The following GUCY2C variants were observed in gnomAD, a reference collection of about 807,000 sequenced individuals.
The protein encoded by GUCY2C is guanylyl cyclase C.
In GUCY2C, 118 loss-of-function variants were observed where a neutral mutation model predicts 131.1. The observed-to-expected ratio is 0.90, with a 90% CI of 0.78 to 1.05. The LOEUF is 1.05. GUCY2C is among the 50% of genes least tolerant of loss of function. The pLI is 0.00. For missense variants in GUCY2C, 1,161 were observed against 1,304.4 expected (o/e 0.89, Z 1.69); for synonymous variants, 452 against 457.8 (o/e 0.99, Z 0.16).
intron 19 of GUCY2C, among the ~76,000 whole-genome samples, chr12:14,635,760 A>T (rs1405459710): frequency 6.6e-6 from 1 of 152,190 alleles, no homozygotes; most frequent in Non-Finnish European, 1.5e-5. Flanking sequence ...AAAATCAGAA[A>T]TTAGAAAAAG....
chr12:14,628,662 G>T lies in GUCY2C; in HGVS notation c.2233C>A (p.Leu745Ile). 6.4e-7 allele frequency: 1 copy of T among 1,552,770 alleles called. No homozygotes were observed. Among genetic ancestry groups the T allele is most frequent in the Non-Finnish European group, 8.9e-7 (1 of 1,124,312 alleles). The stretch of plus-strand genomic sequence containing the variant: ...CAGCAATACCCAAATATCTTGGCAA[G>T]TGTAGTCTCAATTTTTTTGAAATCT... Reference protein sequence around the residue: ...RPDFKKIETTLAKIFGLFHDQ... With the variant: ...RPDFKKIETTIAKIFGLFHDQ... The change falls in exon 20 of 27, where the codon CTT becomes ATT. Residue 745 changes from leucine (L) to isoleucine (I), a missense_variant. Physicochemically the swap from Leu to Ile is conservative, Grantham distance 5. Coordinates refer to ENST00000261170, the MANE Select transcript of GUCY2C (RefSeq NM_004963.4).
In GUCY2C at chr12:14,681,414, C is replaced by T. The variant is rs1948345620; in HGVS notation, c.675G>A (p.Val225=). 5.6e-6 allele frequency: 9 copies of T among 1,611,876 alleles called. No homozygotes were observed. The highest frequency in any genetic ancestry group is 7.6e-6 in the Non-Finnish European group (9 of 1,178,192). The change falls in exon 5 of 27, where the codon GTG becomes GTA. Residue 225 remains valine (V), a synonymous_variant. Transcript: ENST00000261170. ...YFSHELGFKV[V]LRQDKEFQDI... ...CCTGAAACTCCTTATCTTGTCTTAA[C>T]ACCACCTTAAAGCCGAGTTCGTGGG...
chr12:14,657,059 G>T (rs1355790706), intron 11 of GUCY2C, among the ~76,000 whole-genome samples: 1 of 152,212 alleles, frequency 6.6e-6, no homozygotes, highest in Non-Finnish European at 1.5e-5. Flanking sequence ...AGGCGGTACC[G>T]CTCGCTCACC....
In GUCY2C at chr12:14,639,927, A is replaced by G. The variant is rs1480283151; in HGVS notation, c.2092T>C (p.Ser698Pro). 1.2e-6 allele frequency: 2 copies of G among 1,609,432 alleles called. No homozygotes were observed. The highest frequency in any genetic ancestry group is 1.7e-6 in the Non-Finnish European group (2 of 1,175,742). The change falls in exon 19 of 27, where the codon TCC becomes CCC. Residue 698 changes from serine to proline, a missense_variant. Physicochemically the swap from Ser to Pro is moderately conservative, Grantham distance 74. Transcript: ENST00000261170. ...GGGCGGAAGGGTTTCATTCCATTGG[A>G]ATTTTCCACTCTGAAAATCTTCTCT... ...RNEKIFRVENSNGMKPFRPDL... is the reference protein window; with the variant it reads ...RNEKIFRVENPNGMKPFRPDL...
chr12:14,632,558 C>T (rs999776578), intron 19 of GUCY2C, among the ~76,000 whole-genome samples: 4 of 152,124 alleles, frequency 2.6e-5, no homozygotes, highest in Admixed American at 2.0e-4. Flanking sequence ...AGTGGAAGTA[C>T]ATTTCTCTAT....
chr12:14,688,512 G>T (rs893216183), intron 1 of GUCY2C, among the ~76,000 whole-genome samples: 1 of 152,158 alleles, frequency 6.6e-6, no homozygotes, highest in Non-Finnish European at 1.5e-5. Context: ...ATGATAACCT[G>T]TTCTTTCATG....
rs534141608 is a variant in GUCY2C, at chr12:14,641,326, G to A, written c.1931-107C>T. 7.1e-6 allele frequency: 8 copies of A among 1,121,216 alleles called. No homozygotes were observed. In the African/African-American group the frequency reaches 1.2e-4, roughly 17 times the overall value. The allele number at this position is 1,121,216 out of a possible 1,614,324, so 69.5% of individuals were successfully genotyped here. A position where few individuals can be genotyped will look rare whatever the true frequency, so the allele number is the denominator to read the frequency against. On this transcript the variant is annotated intron_variant, in intron 17 of 26. Coordinates refer to ENST00000261170, the MANE Select transcript of GUCY2C (RefSeq NM_004963.4). ...CCCTACACCATCCACTCTAAATATG[G>A]GTGATAGCTTATAAGTGGCCTTGAA... is the stretch of plus-strand genomic sequence containing the variant.
chr12:14,645,510 C>A (rs1026699563), intron 15 of GUCY2C, among the ~76,000 whole-genome samples, 195 bp from the exon 16 acceptor site: 5 of 152,080 alleles, frequency 3.3e-5, no homozygotes, highest in Non-Finnish European at 5.9e-5. Context: ...GTTTTTGCCA[C>A]CTGGATATGA....
At chr12:14,627,740 A>T (rs543603243) in intron 20 of GUCY2C, among the ~76,000 whole-genome samples, 28 of 152,290 alleles carry the variant, frequency 1.8e-4, no homozygotes, top group African/African-American at 6.5e-4. Context: ...TCAGTCACAT[A>T]TAAAGTCTCA....
chr12:14,684,011 C>T (rs1256350895), intron 3 of GUCY2C, among the ~76,000 whole-genome samples: 2 of 152,140 alleles, frequency 1.3e-5, no homozygotes, highest in Admixed American at 6.6e-5. Flanking sequence ...TGTCCACTTC[C>T]TTCTTCCTAA....
At chr12:14,688,562 C>T (rs1948518637) in intron 1 of GUCY2C, among the ~76,000 whole-genome samples, 1 of 152,176 alleles carries the variant, frequency 6.6e-6, no homozygotes, top group African/African-American at 2.4e-5. Context: ...CAGGAGGCTG[C>T]AGTCTTCCTT....
intron 10 of GUCY2C, among the ~76,000 whole-genome samples, 180 bp downstream of exon 10, chr12:14,669,542 A>G (rs1948058126): frequency 6.6e-6 from 1 of 152,130 alleles, no homozygotes; most frequent in African/African-American, 2.4e-5. Context: ...TCAGAACTAT[A>G]ATATCATTCA....
At chr12:14,644,460 G>A (rs1269709160) in intron 16 of GUCY2C, among the ~76,000 whole-genome samples, 1 of 152,224 alleles carries the variant, frequency 6.6e-6, no homozygotes, top group Non-Finnish European at 1.5e-5. Flanking sequence ...CTGATTTTCA[G>A]CCTGGATCAC....
chr12:14,659,448 G>T (rs79257864), intron 11 of GUCY2C, among the ~76,000 whole-genome samples: 5,724 of 152,156 alleles, frequency 0.038, 355 homozygotes, highest in African/African-American at 0.13. Context: ...GACCTGTTTT[G>T]TCCCTGTTTG....
At chr12:14,625,525 G>A (rs1410992875) in intron 21 of GUCY2C, among the ~76,000 whole-genome samples, 1 of 151,784 alleles carries the variant, frequency 6.6e-6, no homozygotes, top group East Asian at 1.9e-4. Flanking sequence ...AGTAGAGGTG[G>A]GGTTTCACCA....
chr12:14,687,921 T>G, intron 2 of GUCY2C, 30 bp downstream of exon 2: 10 of 1,171,464 alleles, frequency 8.5e-6, no homozygotes, highest in South Asian at 1.2e-5. Context: ...CCAGAGGCCA[T>G]GAGCTGCATC....
At chr12:14,679,947 CT>C (rs1411657534) in intron 5 of GUCY2C, among the ~76,000 whole-genome samples, 194 bp from the exon 6 acceptor site, 15 of 150,016 alleles carry the variant, frequency 1.0e-4, no homozygotes, top group Non-Finnish European at 1.9e-4. Flanking sequence ...TGAATGGGAT[CT>C]TTTTTAAAAA....
At chr12:14,648,552 C>T (rs928167625) in intron 15 of GUCY2C, among the ~76,000 whole-genome samples, 1 of 152,216 alleles carries the variant, frequency 6.6e-6, no homozygotes, top group Non-Finnish European at 1.5e-5. Context: ...ATCCTTGCTA[C>T]TGATCTTTGT....
intron 15 of GUCY2C, 105 bp downstream of exon 15, chr12:14,651,302 C>G (rs1947653537): frequency 1.6e-6 from 1 of 628,140 alleles, no homozygotes; most frequent in Admixed American, 3.0e-5. Flanking sequence ...ACCCCACCAA[C>G]TTTCCCTGAT....
Sources: allele counts gnomAD v4.1 joint callset (sites outside exome capture counted in the v4.1 genomes callset), GRCh38; gene constraint gnomAD v4.1.1; transcripts MANE v1.5; gene names NCBI Gene and HGNC (gene_info 2026-07-23, HGNC 2026-07-21).